Variants in AUTS2 observed in about 807,000 individuals in gnomAD.
AUTS2 encodes autism susceptibility gene 2 protein.
A neutral mutation model predicts 112.4 loss-of-function variants in AUTS2; 17 were observed. The observed-to-expected ratio is 0.15, with a 90% CI of 0.10 to 0.23. AUTS2 has a LOEUF of 0.23. Ranked by LOEUF, AUTS2 falls within the 10% of genes least tolerant of loss-of-function variation. The pLI, the probability that AUTS2 is intolerant of heterozygous loss-of-function variation, is 1.00. For missense variants in AUTS2, 1,510 were observed against 1,701.6 expected (o/e 0.89, Z 1.98); for synonymous variants, 751 against 702.7 (o/e 1.07, Z -1.09).
At chr7:70,602,645 C>A (rs1803535045) in intron 5 of AUTS2, among the ~76,000 whole-genome samples, 1 of 152,182 alleles carries the variant, frequency 6.6e-6, no homozygotes, top group African/African-American at 2.4e-5. Flanking sequence ...CTAGAATGTA[C>A]TTAAATTCTC....
intron 1 of AUTS2, among the ~76,000 whole-genome samples, chr7:69,830,522 A>G (rs1038294449): frequency 1.3e-5 from 2 of 152,200 alleles, no homozygotes; most frequent in African/African-American, 4.8e-5. Context: ...AATTCCTAAT[A>G]TATCTTCTAA....
intron 4 of AUTS2, among the ~76,000 whole-genome samples, chr7:70,241,014 G>A (rs1446952921): frequency 6.6e-6 from 1 of 152,180 alleles, no homozygotes; most frequent in East Asian, 1.9e-4. Flanking sequence ...CCATCCCCAA[G>A]TGCTGGAGAA....
chr7:69,931,388 A>G (rs1378110740), intron 2 of AUTS2, among the ~76,000 whole-genome samples: 2 of 152,250 alleles, frequency 1.3e-5, no homozygotes, highest in African/African-American at 2.4e-5. Flanking sequence ...CCACATCTGC[A>G]TCTTTGCAGC....
At chr7:70,126,824 C>T (rs1329521974) in intron 3 of AUTS2, among the ~76,000 whole-genome samples, 1 of 152,110 alleles carries the variant, frequency 6.6e-6, no homozygotes, top group Non-Finnish European at 1.5e-5. Flanking sequence ...ACCTTTCTTC[C>T]CCGCCAAGAT....
At chr7:70,212,485 G>C (rs751992104) in intron 4 of AUTS2, among the ~76,000 whole-genome samples, 1 of 152,162 alleles carries the variant, frequency 6.6e-6, no homozygotes, top group African/African-American at 2.4e-5. Context: ...ATATGGCCAT[G>C]TGGAGCACTT....
In AUTS2 at chr7:70,000,322, G is replaced by A. The variant is rs183566097; in HGVS notation, c.522+100824G>A. Among the ~76,000 whole-genome samples the A allele has an allele frequency of 1.1e-4, 17 of 152,230 alleles. No homozygotes were observed. The East Asian group carries it at 2.5e-3, about 22-fold the overall frequency. ...GATCAAAAAGAGCTTTGTATCCAGC[G>A]TCACAGGGCCTCAAATTGTACTGTA... On this transcript the variant is annotated intron_variant, in intron 2 of 18. Coordinates refer to ENST00000342771, the MANE Select transcript of AUTS2 (RefSeq NM_015570.4).
At chr7:69,745,610 A>C (rs1003532229) in intron 1 of AUTS2, among the ~76,000 whole-genome samples, 1 of 152,046 alleles carries the variant, frequency 6.6e-6, no homozygotes, top group Non-Finnish European at 1.5e-5. Flanking sequence ...CTTGCATGCA[A>C]ATTTAAAATT....
chr7:70,711,921 T>G (rs1585552464), intron 6 of AUTS2, among the ~76,000 whole-genome samples: 1 of 152,314 alleles, frequency 6.6e-6, no homozygotes, highest in Admixed American at 6.5e-5. Context: ...TCTTCTCTGT[T>G]ACCTCTTTGG....
chr7:70,474,367 G>C (rs1164755065), intron 5 of AUTS2, among the ~76,000 whole-genome samples: 1 of 152,218 alleles, frequency 6.6e-6, no homozygotes, highest in Non-Finnish European at 1.5e-5. Flanking sequence ...CCTTCTGGGA[G>C]ACCCTCAGTC....
At chr7:69,723,346 A>G (rs530259) in intron 1 of AUTS2, among the ~76,000 whole-genome samples, 21,555 of 152,146 alleles carry the variant, frequency 0.14, 1,637 homozygotes, top group Non-Finnish European at 0.16. Context: ...TATGTTTTAT[A>G]AGGATTGCTT....
intron 4 of AUTS2, among the ~76,000 whole-genome samples, chr7:70,412,852 A>T (rs1794832239): frequency 6.6e-6 from 1 of 152,182 alleles, no homozygotes; most frequent in Non-Finnish European, 1.5e-5. Flanking sequence ...TTAGCTGGCC[A>T]TGCTGGCGTG....
chr7:69,772,528 G>A (rs1788713583), intron 1 of AUTS2, among the ~76,000 whole-genome samples: 1 of 152,160 alleles, frequency 6.6e-6, no homozygotes, highest in Admixed American at 6.5e-5. Flanking sequence ...TCATCTCTCA[G>A]ACTTAAGCCA....
intron 4 of AUTS2, among the ~76,000 whole-genome samples, chr7:70,175,175 G>T (rs1808918318): frequency 6.6e-6 from 1 of 152,150 alleles, no homozygotes; most frequent in Non-Finnish European, 1.5e-5. Context: ...TGTCTTTGAG[G>T]TGTTCAAGGC....
intron 4 of AUTS2, among the ~76,000 whole-genome samples, chr7:70,351,093 C>G (rs1244971671): frequency 1.3e-5 from 2 of 150,436 alleles, no homozygotes; most frequent in Non-Finnish European, 3.0e-5. Flanking sequence ...CTCTGTCACC[C>G]AGGCTGGAGT....
At chr7:70,686,521 T>C (rs1037381784) in intron 5 of AUTS2, among the ~76,000 whole-genome samples, 2 of 152,078 alleles carry the variant, frequency 1.3e-5, no homozygotes, top group Non-Finnish European at 2.9e-5. Context: ...CTGGCACCTG[T>C]TTAAAGGCCC....
chr7:69,776,230 T>C (rs1300529270), intron 1 of AUTS2, among the ~76,000 whole-genome samples: 1 of 152,088 alleles, frequency 6.6e-6, no homozygotes, highest in African/African-American at 2.4e-5. Flanking sequence ...CATTAAAGGG[T>C]CGTAATACTT....
chr7:70,682,879 G>T (rs576953172), intron 5 of AUTS2, among the ~76,000 whole-genome samples: 2 of 152,348 alleles, frequency 1.3e-5, no homozygotes, highest in African/African-American at 4.8e-5. Flanking sequence ...CTAGCCCTGT[G>T]GTCCCAAGGC....
chr7:69,814,087 G>T (rs1790656206), intron 1 of AUTS2, among the ~76,000 whole-genome samples: 1 of 152,108 alleles, frequency 6.6e-6, no homozygotes, highest in East Asian at 1.9e-4. Context: ...ATTCCATTGA[G>T]GCTCTCCTTG....
intron 5 of AUTS2, among the ~76,000 whole-genome samples, chr7:70,618,453 C>T (rs192086122): frequency 1.1e-4 from 17 of 152,302 alleles, no homozygotes; most frequent in African/African-American, 3.8e-4. Flanking sequence ...CCTTCATTCT[C>T]CTCTGACCCT....
Sources: allele counts gnomAD v4.1 joint callset (sites outside exome capture counted in the v4.1 genomes callset), GRCh38; gene constraint gnomAD v4.1.1; transcripts MANE v1.5; gene names NCBI Gene and HGNC (gene_info 2026-07-23, HGNC 2026-07-21).